SCFD2: variants seen among roughly 807,000 people sequenced by gnomAD.
SCFD2 encodes sec1 family domain-containing protein 2.
In SCFD2, 54 loss-of-function variants were observed where a neutral mutation model predicts 58.9. The observed-to-expected ratio is 0.92, with a 90% CI of 0.74 to 1.15. SCFD2 has a LOEUF of 1.15. Ranked by LOEUF, SCFD2 falls within the 50% of genes most tolerant of loss-of-function variation. The probability of loss-of-function intolerance (pLI) is 0.00; values close to 1 mark genes in which losing one functional copy is unlikely to be tolerated. For missense variants in SCFD2, 805 were observed against 836.6 expected (o/e 0.96, Z 0.47); for synonymous variants, 321 against 335.9 (o/e 0.96, Z 0.49).
At chr4:53,230,659 A>G (rs1386704303) in intron 4 of SCFD2, among the ~76,000 whole-genome samples, 3 of 151,924 alleles carry the variant, frequency 2.0e-5, no homozygotes, top group Non-Finnish European at 2.9e-5. Flanking sequence ...ATCAGGAGCT[A>G]TACCTAATGC....
intron 3 of SCFD2, among the ~76,000 whole-genome samples, chr4:53,281,818 T>C (rs1162154802): frequency 2.0e-5 from 3 of 152,232 alleles, no homozygotes; most frequent in Non-Finnish European, 4.4e-5. Flanking sequence ...GCTGTCCATA[T>C]TCTTAGTAGA....
intron 3 of SCFD2, among the ~76,000 whole-genome samples, chr4:53,294,166 G>A (rs987052327): frequency 4.6e-5 from 7 of 152,052 alleles, no homozygotes; most frequent in African/African-American, 9.7e-5. Context: ...CCCAGTAACG[G>A]GATTGCTGGG....
intron 5 of SCFD2, among the ~76,000 whole-genome samples, chr4:53,038,711 A>G (rs1470834336): frequency 6.6e-6 from 1 of 150,662 alleles, no homozygotes; most frequent in East Asian, 1.9e-4. Flanking sequence ...TTTTTTTTAG[A>G]CAGGGTGTTG....
At chr4:53,000,876 G>A (rs1721848857) in intron 5 of SCFD2, among the ~76,000 whole-genome samples, 1 of 152,156 alleles carries the variant, frequency 6.6e-6, no homozygotes, top group East Asian at 1.9e-4. Flanking sequence ...CCTGGTATAC[G>A]GCCTGGTTCC....
chr4:52,944,549 T>A (rs975086992), intron 5 of SCFD2, among the ~76,000 whole-genome samples: 7 of 152,212 alleles, frequency 4.6e-5, no homozygotes, highest in African/African-American at 1.7e-4. Flanking sequence ...GAGATAGATG[T>A]CATGACTCTT....
At chr4:53,275,397 G>C (rs1731298083) in intron 3 of SCFD2, among the ~76,000 whole-genome samples, 1 of 152,066 alleles carries the variant, frequency 6.6e-6, no homozygotes, top group Admixed American at 6.5e-5. Flanking sequence ...GAGTTTCTTT[G>C]GTCCCTTGGT....
chr4:53,323,530 A>ATTTTTTTTTTTT (rs1201482656), intron 2 of SCFD2, among the ~76,000 whole-genome samples: 1 of 106,764 alleles, frequency 9.4e-6, no homozygotes, highest in African/African-American at 3.9e-5. Flanking sequence ...TGCCCAGCTA[A>ATTTTTTTTTTTT]TTTTTTTTTT....
chr4:53,221,537 C>T (rs926474627), intron 4 of SCFD2, among the ~76,000 whole-genome samples: 2 of 152,150 alleles, frequency 1.3e-5, no homozygotes, highest in Admixed American at 6.5e-5. Flanking sequence ...TGGAATGATG[C>T]CTCCCCATCT....
intron 3 of SCFD2, among the ~76,000 whole-genome samples, chr4:53,276,516 T>TA (rs1731333101): frequency 6.6e-6 from 1 of 152,110 alleles, no homozygotes; most frequent in Admixed American, 6.5e-5. Context: ...GTTATATAGG[T>TA]AAACTCGTGT....
chr4:52,901,523 C>T (rs1031344820), intron 7 of SCFD2, among the ~76,000 whole-genome samples: 3 of 152,158 alleles, frequency 2.0e-5, no homozygotes, highest in African/African-American at 7.2e-5. Context: ...TGAGAATGGC[C>T]ACATGGAAAG....
intron 4 of SCFD2, among the ~76,000 whole-genome samples, chr4:53,164,345 A>C (rs1726940755): frequency 6.6e-6 from 1 of 152,088 alleles, no homozygotes; most frequent in South Asian, 2.1e-4. Context: ...CAACTCCTTC[A>C]GACTCCCCTC....
chr4:52,979,065 TG>T (rs10667731), intron 5 of SCFD2, among the ~76,000 whole-genome samples: 11 of 146,994 alleles, frequency 7.5e-5, no homozygotes, highest in Admixed American at 1.4e-4. Context: ...GGCCTTTTTT[TG>T]GGGGGGGGAG....
rs900276759 is a variant in SCFD2, at chr4:53,121,098, C to CA, written c.1561+24234dup. Among the ~76,000 whole-genome samples, 5 of 151,262 alleles carry CA rather than the reference C, an allele frequency of 3.3e-5. 1 individual carries two copies. Among genetic ancestry groups the CA allele is most frequent in the East Asian group, 3.9e-4 (2 of 5,110 alleles). ...TGTGTGGATCTTGAGTTCCTGTTTA[C>CA]AAAAAATTGACACAATGATAAGTGA... is the stretch of plus-strand genomic sequence containing the variant. On this transcript the variant is annotated intron_variant, in intron 5 of 8. Coordinates refer to ENST00000401642, the MANE Select transcript of SCFD2 (RefSeq NM_152540.4).
At chr4:53,105,906 C>T (rs1724986165) in intron 5 of SCFD2, among the ~76,000 whole-genome samples, 1 of 149,928 alleles carries the variant, frequency 6.7e-6, no homozygotes, top group Admixed American at 6.7e-5. Flanking sequence ...CTGGGAGACA[C>T]TTCCCAGCAG....
rs991576057 is a variant in SCFD2 at position 52,974,606 on chromosome 4, A to G, written c.1562-53736T>C. Among the ~76,000 whole-genome samples the G allele has an allele frequency of 2.6e-5, 4 of 152,230 alleles. No homozygotes were observed. In the South Asian group the frequency reaches 6.2e-4, roughly 24 times the overall value. ...ATGGCCATACTGCCCAAGGTAATTT[A>G]TAGATTCAATGTCATCCCCATCAAG... On this transcript the variant is annotated intron_variant, in intron 5 of 8. Coordinates refer to ENST00000401642, the MANE Select transcript of SCFD2 (RefSeq NM_152540.4).
intron 5 of SCFD2, among the ~76,000 whole-genome samples, chr4:53,017,236 C>T (rs1174769188): frequency 6.6e-6 from 1 of 152,166 alleles, no homozygotes; most frequent in Non-Finnish European, 1.5e-5. Flanking sequence ...GGACAATTAT[C>T]CAGGGGTGGA....
At chr4:53,258,812 T>C (rs112016184) in intron 4 of SCFD2, among the ~76,000 whole-genome samples, 28,167 of 151,746 alleles carry the variant, frequency 0.19, 2,919 homozygotes, top group Non-Finnish European at 0.24. Flanking sequence ...CACTGTTTTT[T>C]ATAGTGGTTG....
At chr4:52,874,338 G>T (rs933986138) in intron 8 of SCFD2, among the ~76,000 whole-genome samples, 1 of 152,162 alleles carries the variant, frequency 6.6e-6, no homozygotes, top group Non-Finnish European at 1.5e-5. Context: ...GCTGAGACTG[G>T]CACTAGGTAC....
At chr4:53,047,601 T>TA (rs1368601841) in intron 5 of SCFD2, among the ~76,000 whole-genome samples, 1 of 152,196 alleles carries the variant, frequency 6.6e-6, no homozygotes, top group Non-Finnish European at 1.5e-5. Context: ...TGTACACACA[T>TA]ACACTTCTAT....
Sources: gnomAD v4.1 joint callset for allele counts (sites outside exome capture counted in the v4.1 genomes callset) on GRCh38, gnomAD v4.1.1 for gene constraint, MANE v1.5 for transcripts, NCBI Gene and HGNC (gene_info 2026-07-23, HGNC 2026-07-21) for gene names.